PAN2: variants seen among roughly 807,000 people sequenced by gnomAD.
PAN2 encodes the protein PAN2-PAN3 deadenylation complex catalytic subunit PAN2.
A neutral mutation model predicts 133.3 loss-of-function variants in PAN2; 68 were observed. The observed-to-expected ratio is 0.51, with a 90% confidence interval of 0.42 to 0.62. The LOEUF is 0.62. PAN2 is among the 20% of genes least tolerant of loss of function. The pLI is 0.00. For synonymous variants in PAN2, 462 were observed against 544.6 expected (o/e 0.85, Z 2.11); for missense variants, 1,042 against 1,500.5 (o/e 0.69, Z 5.05).
At chr12:56,325,241 G>A (rs2135974755) in intron 9 of PAN2, 94 bp downstream of exon 9, 1 of 1,581,588 alleles carries the variant, frequency 6.3e-7, no homozygotes, top group Non-Finnish European at 8.6e-7. Context: ...GGTAGTTGAA[G>A]GCCTCCTGAC....
chr12:56,320,160 T>C, intron 20 of PAN2, 139 bp from the exon 21 acceptor site: 1 of 746,080 alleles, frequency 1.3e-6, no homozygotes, highest in Non-Finnish European at 2.2e-6. Context: ...AAAGATCATG[T>C]CTGATAAATG....
Position 56,324,477 on chromosome 12 carries a change from C to A in PAN2, c.1745G>T (p.Arg582Leu). 6.2e-7 allele frequency: 1 copy of A among 1,613,422 alleles called. No individual in the cohort carries two copies. The highest frequency in any genetic ancestry group is 8.5e-7 in the Non-Finnish European group (1 of 1,179,522). The change falls in exon 12 of 26, where the codon CGG becomes CTG. Residue 582 changes from arginine to leucine, a missense_variant. Physicochemically the swap from Arg to Leu is moderately radical, Grantham distance 102. Coordinates refer to ENST00000440411, the MANE Select transcript of PAN2 (RefSeq NM_014871.6). ...GGCCTCAGGAATAGTACGGAATGCC[C>A]GAAGAAAATTATTGCCCTGGAAATG... is the stretch of plus-strand genomic sequence containing the variant. ...GDPCQGNNFL[R>L]AFRTIPEASA...
chr12:56,327,599 C>T lies in PAN2; in HGVS notation c.684G>A (p.Val228=), dbSNP rs1286249023. The T allele has an allele frequency of 6.2e-7, 1 of 1,614,054 alleles. No individual in the cohort carries two copies. Among genetic ancestry groups the T allele is most frequent in the Non-Finnish European group, 8.5e-7 (1 of 1,180,000 alleles). ...VSLRDLRTFK[V]EHEFDAFSGS... is the part of the protein sequence containing the mutation. ...CTGAGAAGGCATCAAACTCATGTTCCACCTTAAAAGTACGGAGGTCTCTCA... is the reference window on the plus strand; with the variant it reads ...CTGAGAAGGCATCAAACTCATGTTCTACCTTAAAAGTACGGAGGTCTCTCA... Residue 228 remains valine (V), a synonymous_variant, in exon 6 of 26, where the codon GTG becomes GTA. Transcript: ENST00000440411.
chr12:56,333,308 A>G, intron 1 of PAN2, 100 bp from the exon 2 acceptor site: 1 of 544,524 alleles, frequency 1.8e-6, no homozygotes, highest in Non-Finnish European at 3.3e-6. Flanking sequence ...GGCAGGCATG[A>G]GGGATGAGAC....
intron 2 of PAN2, chr12:56,332,600 G>GAA (rs373985446): frequency 0.012 from 3,689 of 320,342 alleles, no homozygotes; most frequent in Middle Eastern, 0.022. Context: ...ACCCTGTCTC[G>GAA]AAAAAAAAAA....
chr12:56,332,181 TATA>T (rs1875954474), intron 2 of PAN2, among the ~76,000 whole-genome samples: 1 of 151,876 alleles, frequency 6.6e-6, no homozygotes, highest in African/African-American at 2.4e-5. Context: ...TTAAATATTC[TATA>T]ATAATAAAAA....
At position 56,322,702 on chromosome 12, in the gene PAN2, A is replaced by G. The variant is rs141633655; in HGVS notation, c.2550T>C (p.Ala850=). ...EHGVYVYDLM[A]TVVHILDSRT... ...GTGAGTCCAGGATGTGTACCACAGT[A>G]GCCATCAGGTCATACACATAGACAC... is the stretch of plus-strand genomic sequence containing the variant. Residue 850 remains alanine, a synonymous_variant, in exon 18 of 26, where the codon GCT becomes GCC. Coordinates refer to ENST00000440411, the MANE Select transcript of PAN2 (RefSeq NM_014871.6). 65 of 1,614,054 alleles carry G rather than the reference A, an allele frequency of 4.0e-5. No homozygotes were observed. The highest frequency in any genetic ancestry group is 5.0e-5 in the Non-Finnish European group (59 of 1,180,038).
Position 56,323,071 on chromosome 12 carries a change from A to T in PAN2, c.2484T>A (p.Asp828Glu). 1 of 1,613,680 alleles carries T rather than the reference A, an allele frequency of 6.2e-7. No homozygotes were observed. The highest frequency in any genetic ancestry group is 2.2e-5 in the East Asian group (1 of 44,874). The change falls in exon 17 of 26, where the codon GAT becomes GAA. Residue 828 changes from aspartate to glutamate, a missense_variant. By Grantham distance (45) the Asp-to-Glu change is conservative. Coordinates refer to ENST00000440411, the MANE Select transcript of PAN2 (RefSeq NM_014871.6). ...GLDVCNWTDG[D>E]EMQWGPARAE... Reference sequence around the variant, plus strand: ...CCGGTTTTTCAACAACCTGCATCTCATCCCCATCAGTCCAATTGCAAACAT... The same window carrying T: ...CCGGTTTTTCAACAACCTGCATCTCTTCCCCATCAGTCCAATTGCAAACAT...
chr12:56,321,928 T>G (rs1470143473), intron 20 of PAN2, 150 bp downstream of exon 20: 6 of 528,136 alleles, frequency 1.1e-5, no homozygotes, highest in Non-Finnish European at 2.1e-5. Flanking sequence ...ACTTCTAAAT[T>G]TAAGGTCTGA....
In PAN2 at chr12:56,327,388, G is replaced by A. The variant is rs777490095; in HGVS notation, c.895C>T (p.Arg299Cys). 6 of 1,613,998 alleles carry A rather than the reference G, an allele frequency of 3.7e-6. No individual in the cohort carries two copies. The highest frequency in any genetic ancestry group is 1.6e-4 in the Middle Eastern group (1 of 6,080). ...CCTGACTGAGAGATGATAGCAAGAC[G>A]AGAAGTATATGTAGGAATGAAGCGC... ...FLRFIPTYTS[R>C]LAIISQSGQC... Residue 299 changes from arginine (R) to cysteine (C), a missense_variant, in exon 6 of 26, where the codon CGT (arginine) becomes TGT (cysteine). Arg to Cys is a radical substitution (Grantham distance 180). Coordinates refer to ENST00000440411, the MANE Select transcript of PAN2 (RefSeq NM_014871.6).
At position 56,328,312 on chromosome 12, in the gene PAN2, T is replaced by C; in HGVS notation, c.499A>G (p.Ser167Gly). 6.2e-7 allele frequency: 1 copy of C among 1,610,170 alleles called. No individual in the cohort carries two copies. The highest frequency in any genetic ancestry group is 8.5e-7 in the Non-Finnish European group (1 of 1,177,776). ...TGCAGCCCACCAACGAGTAGAGTGC[T>C]GCTGTCAGTCAGTAGGAGACTGTGC... ...DMHSLLLTDS[S>G]TLLVGGLQNH... Residue 167 changes from serine to glycine, a missense_variant, in exon 4 of 26, where the codon AGC becomes GGC. Physicochemically the swap from Ser to Gly is moderately conservative, Grantham distance 56. This residue lies in a region of PAN2 where 908 missense variants were observed against 1,223.5 expected (regional missense o/e 0.74). Coordinates refer to ENST00000440411, the MANE Select transcript of PAN2 (RefSeq NM_014871.6).
chr12:56,318,268 C>A lies in PAN2; in HGVS notation c.3531G>T (p.Val1177=). The A allele has an allele frequency of 6.2e-7, 1 of 1,614,148 alleles. No individual in the cohort carries two copies. Among genetic ancestry groups the A allele is most frequent in the Non-Finnish European group, 8.5e-7 (1 of 1,180,008 alleles). Residue 1177 remains valine, a synonymous_variant, in exon 25 of 26, where the codon GTG becomes GTT. Coordinates refer to ENST00000440411, the MANE Select transcript of PAN2 (RefSeq NM_014871.6). ...GACTTGTTTGGCCCTCAGGCTCAGG[C>A]ACCTTCCAGTCCATCTTTCTGCCCT... is the stretch of plus-strand genomic sequence containing the variant. ...YEKGRKMDWK[V]PEPEGQTSPK...
intron 13 of PAN2, 26 bp from the exon 14 acceptor site, chr12:56,323,939 C>G (rs772207179): frequency 1.2e-5 from 20 of 1,604,502 alleles, no homozygotes; most frequent in Non-Finnish European, 1.7e-5. Context: ...ATGCTATACT[C>G]CTGGTTCTCC....
rs372281139 is a variant in PAN2 at position 56,321,766 on chromosome 12, G to A, written c.2788+312C>T. Among the ~76,000 whole-genome samples the A allele has an allele frequency of 1.1e-3, 159 of 151,200 alleles. 3 individuals are homozygous for A. The East Asian group carries it at 0.019, about 18-fold the overall frequency. The stretch of plus-strand genomic sequence containing the variant: ...CTCAGGAGGCTGAGGCAGGAGAATC[G>A]CTTGAACCCAGGAGGCAGAGGTTGC... On this transcript the variant is annotated intron_variant, in intron 20 of 25. Coordinates refer to ENST00000440411, the MANE Select transcript of PAN2 (RefSeq NM_014871.6).
chr12:56,327,882 C>A, intron 5 of PAN2, 113 bp downstream of exon 5: 1 of 1,521,278 alleles, frequency 6.6e-7, no homozygotes, highest in Middle Eastern at 1.7e-4. Flanking sequence ...ATTCACTCCA[C>A]TCATCCCTCA....
At chr12:56,323,736 C>T in intron 14 of PAN2, 71 bp downstream of exon 14, 1 of 1,440,936 alleles carries the variant, frequency 6.9e-7, no homozygotes, top group Non-Finnish European at 9.8e-7. Context: ...ACAGAGCCAG[C>T]CCCACATGGG....
chr12:56,327,636 A>G lies in PAN2; in HGVS notation c.652-5T>C. ...ACGGAGGTCTCTCAGGGAAACCTAG[A>G]AAAAAAAAATTCAGTTATCTGCAAA... On this transcript the variant is annotated splice_polypyrimidine_tract_variant and splice_region_variant and intron_variant, in intron 5 of 25. Coordinates refer to ENST00000440411, the MANE Select transcript of PAN2 (RefSeq NM_014871.6). 1.3e-6 allele frequency: 2 copies of G among 1,583,812 alleles called. No individual in the cohort carries two copies. Among genetic ancestry groups the G allele is most frequent in the Non-Finnish European group, 1.7e-6 (2 of 1,160,172 alleles).
intron 4 of PAN2, 33 bp from the exon 5 acceptor site, chr12:56,328,105 G>T: frequency 6.2e-7 from 1 of 1,611,900 alleles, no homozygotes; most frequent in Admixed American, 1.7e-5. Context: ...CCAGTGAGAA[G>T]AATGATTTTT....
rs368645188 is a variant in PAN2 at position 56,326,662 on chromosome 12, G to T, written c.1217C>A (p.Thr406Lys). 1 of 1,614,078 alleles carries T rather than the reference G, an allele frequency of 6.2e-7. No homozygotes were observed. Among genetic ancestry groups the T allele is most frequent in the East Asian group, 2.2e-5 (1 of 44,892 alleles). ...SLIPVPLTTD[T>K]LLSDWPAANS... ...GGCAGCAGGCCAATCAGAGAGAAGT[G>T]TGTCAGTGGTGAGTGGGACAGGGAT... The change falls in exon 7 of 26, where the codon ACA (threonine) becomes AAA (lysine). Residue 406 changes from threonine (T) to lysine (K), a missense_variant. Physicochemically the swap from Thr to Lys is moderately conservative, Grantham distance 78. This residue lies in a region of PAN2 where 908 missense variants were observed against 1,223.5 expected (regional missense o/e 0.74). Transcript: ENST00000440411.
Sources: allele counts gnomAD v4.1 joint callset (sites outside exome capture counted in the v4.1 genomes callset), GRCh38; gene constraint gnomAD v4.1.1; regional missense constraint gnomAD v4.1.1; transcripts MANE v1.5; gene names NCBI Gene and HGNC (gene_info 2026-07-23, HGNC 2026-07-21).